Variants in CLDND1 observed in about 807,000 individuals in gnomAD.
The protein encoded by CLDND1 is claudin domain-containing protein 1.
Under a neutral mutation model 26.3 loss-of-function variants are expected in CLDND1, and 13 were observed. That is an observed-to-expected ratio of 0.49 (90% CI 0.32 to 0.78). The LOEUF is 0.78. Among genes scored for constraint, CLDND1 ranks in the 30% least tolerant of loss-of-function variants. The pLI is 0.03. For missense variants in CLDND1, 289 were observed against 312.8 expected (o/e 0.92, Z 0.57); for synonymous variants, 107 against 107.0 (o/e 1.00, Z 0.00).
chr3:98,516,812 C>T lies in CLDND1; in HGVS notation c.609G>A (p.Glu203=). Residue 203 remains glutamate, a synonymous_variant, in exon 5 of 5, where the codon GAG becomes GAA. Coordinates refer to ENST00000341181, the MANE Select transcript of CLDND1 (RefSeq NM_001040181.2). The part of the protein sequence containing the change: ...AGIELLHQKL[E]LPDNVSGEFG... ...ATTCACCGGATACATTGTCAGGGAG[C>T]TCTAGTTTCTGGTGGAGTAGTTCAA... is the stretch of plus-strand genomic sequence containing the variant. 1 of 1,614,118 alleles carries T rather than the reference C, an allele frequency of 6.2e-7. No individual in the cohort carries two copies. Among genetic ancestry groups the T allele is most frequent in the Non-Finnish European group, 8.5e-7 (1 of 1,180,002 alleles).
chr3:98,516,032 A>G lies in CLDND1; in HGVS notation c.*627T>C, dbSNP rs1395622695. The G allele has an allele frequency of 3.4e-6, 4 of 1,161,514 alleles. No homozygotes were observed. The highest frequency in any genetic ancestry group is 6.0e-5 in the East Asian group (1 of 16,758). The allele number at this position is 1,161,514 out of a possible 1,614,324, so 72.0% of individuals were successfully genotyped here. A position where few individuals can be genotyped will look rare whatever the true frequency, so the allele number is the denominator to read the frequency against. ...GCTGAACTGGAATTCTTGCAGTTAC[A>G]AAGTTAAAATTTCAAGTAAACACTG... is the stretch of plus-strand genomic sequence containing the variant. On this transcript the variant is annotated 3_prime_UTR_variant, in exon 5 of 5. Transcript: ENST00000341181.
chr3:98,516,799 C>T lies in CLDND1; in HGVS notation c.622G>A (p.Val208Ile), dbSNP rs767820286. The change falls in exon 5 of 5, where the codon GTA becomes ATA. Residue 208 changes from valine to isoleucine, a missense_variant. Physicochemically the swap from Val to Ile is conservative, Grantham distance 29. Coordinates refer to ENST00000341181, the MANE Select transcript of CLDND1 (RefSeq NM_001040181.2). ...LHQKLELPDN[V>I]SGEFGWSFCL... ...AAGGACCATCCAAATTCACCGGATA[C>T]ATTGTCAGGGAGCTCTAGTTTCTGG... The T allele has an allele frequency of 2.5e-6, 4 of 1,614,028 alleles. No homozygotes were observed. In the Admixed American group the frequency reaches 5.0e-5, roughly 20 times the overall value.
Position 98,521,163 on chromosome 3 carries a change from T to C in CLDND1, c.262A>G (p.Met88Val), listed in dbSNP as rs1706392488. The change falls in exon 2 of 5, where the codon ATG becomes GTG. Residue 88 changes from methionine (M) to valine (V), a missense_variant. Physicochemically the swap from Met to Val is conservative, Grantham distance 21. Transcript: ENST00000341181. ...WRRCITIPKN[M>V]HWYSPPERTE... is the part of the protein sequence containing the mutation. ...CTTTCTGGTGGGCTATACCAATGCATGTTTTTGGGTATGGTGATACACCGT... is the reference window on the plus strand; with the variant it reads ...CTTTCTGGTGGGCTATACCAATGCACGTTTTTGGGTATGGTGATACACCGT... 1 of 1,613,936 alleles carries C rather than the reference T, an allele frequency of 6.2e-7. No individual in the cohort carries two copies. Among genetic ancestry groups the C allele is most frequent in the South Asian group, 1.1e-5 (1 of 91,084 alleles).
intron 3 of CLDND1, 102 bp downstream of exon 3, chr3:98,518,783 C>G (rs1223126248): frequency 2.8e-6 from 2 of 706,934 alleles, no homozygotes; most frequent in African/African-American, 3.6e-5. Flanking sequence ...TTCACGTTGG[C>G]ACAATCTACT....
chr3:98,517,004 TAA>T, intron 4 of CLDND1, 46 bp downstream of exon 4: 1 of 1,611,714 alleles, frequency 6.2e-7, no homozygotes. Context: ...CTTTGGTCCC[TAA>T]AGAGACAGGA....
At chr3:98,522,432 TG>T in intron 1 of CLDND1, 1 of 666,336 alleles carries the variant, frequency 1.5e-6, no homozygotes, top group Non-Finnish European at 1.9e-6. Flanking sequence ...GTTTGGAAAA[TG>T]GGAAGTGACT....
rs1321755636 is a variant in CLDND1, at chr3:98,516,022, T to C, written c.*637A>G. The C allele has an allele frequency of 2.2e-5, 25 of 1,161,878 alleles. No homozygotes were observed. Among genetic ancestry groups the C allele is most frequent in the Non-Finnish European group, 2.6e-5 (24 of 928,866 alleles). 72.0% of individuals were successfully genotyped at this position (1,161,878 alleles called of 1,614,324 possible). A position where few individuals can be genotyped will look rare whatever the true frequency, so the allele number is the denominator to read the frequency against. On this transcript the variant is annotated 3_prime_UTR_variant, in exon 5 of 5. Coordinates refer to ENST00000341181, the MANE Select transcript of CLDND1 (RefSeq NM_001040181.2). ...TCCTCGCCCGGCTGAACTGGAATTC[T>C]TGCAGTTACAAAGTTAAAATTTCAA...
chr3:98,516,115 C>T lies in CLDND1; in HGVS notation c.*544G>A. ...AGATACAAACAGCTGCCATATCTCA[C>T]CTCAGATGAAGCTATGTGTCAATGC... On this transcript the variant is annotated 3_prime_UTR_variant, in exon 5 of 5. Transcript: ENST00000341181. 1 of 1,073,470 alleles carries T rather than the reference C, an allele frequency of 9.3e-7. No homozygotes were observed. Among genetic ancestry groups the T allele is most frequent in the African/African-American group, 1.7e-5 (1 of 59,604 alleles). The allele number at this position is 1,073,470 out of a possible 1,614,324, so 66.5% of individuals were successfully genotyped here. A position where few individuals can be genotyped will look rare whatever the true frequency, so the allele number is the denominator to read the frequency against.
chr3:98,518,791 A>C (rs761778431), intron 3 of CLDND1, 94 bp downstream of exon 3: 5 of 745,542 alleles, frequency 6.7e-6, no homozygotes, highest in Non-Finnish European at 1.2e-5. Flanking sequence ...GGCACAATCT[A>C]CTAACTCATC....
chr3:98,521,008 A>C, intron 2 of CLDND1, 125 bp downstream of exon 2: 1 of 789,432 alleles, frequency 1.3e-6, no homozygotes, highest in Non-Finnish European at 2.1e-6. Context: ...GAGAAGATAC[A>C]CGATTTATTT....
At chr3:98,522,478 A>G in intron 1 of CLDND1, 7 of 1,111,640 alleles carry the variant, frequency 6.3e-6, no homozygotes, top group South Asian at 3.0e-5. Flanking sequence ...CGAAAACTCA[A>G]AAAGTTGGAT....
chr3:98,521,246 T>C lies in CLDND1; in HGVS notation c.179A>G (p.Asp60Gly), dbSNP rs11553646. ...AAGTGCATCATTATAAGTCTTTTCATCTGCCTCATCACTAATGAATTCATC... is the reference window on the plus strand; with the variant it reads ...AAGTGCATCATTATAAGTCTTTTCACCTGCCTCATCACTAATGAATTCATC... ...IWDEFISDEA[D>G]EKTYNDALFR... Residue 60 changes from aspartate to glycine, a missense_variant, in exon 2 of 5, where the codon GAT becomes GGT. Asp to Gly is a moderately conservative substitution (Grantham distance 94). Coordinates refer to ENST00000341181, the MANE Select transcript of CLDND1 (RefSeq NM_001040181.2). The C allele has an allele frequency of 6.2e-7, 1 of 1,614,248 alleles. No individual in the cohort carries two copies. Among genetic ancestry groups the C allele is most frequent in the Non-Finnish European group, 8.5e-7 (1 of 1,180,040 alleles).
chr3:98,516,565 CAAATAA>C lies in CLDND1; in HGVS notation c.*88_*93del. 1.4e-6 allele frequency: 2 copies of C among 1,453,854 alleles called. No homozygotes were observed. Among genetic ancestry groups the C allele is most frequent in the South Asian group, 2.9e-5 (2 of 68,184 alleles). The allele number at this position is 1,453,854 out of a possible 1,614,324, so 90.1% of individuals were successfully genotyped here. On this transcript the variant is annotated 3_prime_UTR_variant, in exon 5 of 5. Transcript: ENST00000341181. ...TTTTCATAATAAAATGGTATATCCA[CAAATAA>C]AAATTAAAAACAATTGAGAGGTGGG...
In CLDND1 at chr3:98,515,846, A is replaced by G. The variant is rs1218539133; in HGVS notation, c.*813T>C. ...TATAGTACTGGGCTGGAATAAATAA[A>G]TAGCAGTTGAGGAATTTTACCTTGT... On this transcript the variant is annotated 3_prime_UTR_variant, in exon 5 of 5. Transcript: ENST00000341181. The G allele has an allele frequency of 1.6e-6, 2 of 1,289,256 alleles. No homozygotes were observed. The highest frequency in any genetic ancestry group is 2.0e-6 in the Non-Finnish European group (2 of 988,466). 79.9% of individuals were successfully genotyped at this position (1,289,256 alleles called of 1,614,324 possible).
rs149645766 is a variant in CLDND1, at chr3:98,521,025, GGAGA to G, written c.292+104_292+107del. 1,012 of 906,574 alleles carry G rather than the reference GGAGA, an allele frequency of 1.1e-3. 4 individuals are homozygous for G. In the African/African-American group the frequency reaches 0.015, roughly 13 times the overall value. The allele number at this position is 906,574 out of a possible 1,614,324, so 56.2% of individuals were successfully genotyped here. ...GAAGATACACGATTTATTTCTTTAAGGAGAGAGAGAACCAACAAACCTGCTTACA... is the reference window on the plus strand; with the variant it reads ...GAAGATACACGATTTATTTCTTTAAGGAGAGAACCAACAAACCTGCTTACA... On this transcript the variant is annotated intron_variant, in intron 2 of 4. Coordinates refer to ENST00000341181, the MANE Select transcript of CLDND1 (RefSeq NM_001040181.2).
Position 98,521,225 on chromosome 3 carries a change from G to T in CLDND1, c.200C>A (p.Ala67Glu). The stretch of plus-strand genomic sequence containing the variant: ...CACTGTGCCATTGTATCGAAAAAGT[G>T]CATCATTATAAGTCTTTTCATCTGC... ...DEADEKTYND[A>E]LFRYNGTVGL... The change falls in exon 2 of 5, where the codon GCA becomes GAA. Residue 67 changes from alanine to glutamate, a missense_variant. By Grantham distance (107) the Ala-to-Glu change is moderately radical (BLOSUM62 -1). Transcript: ENST00000341181. 6.2e-7 allele frequency: 1 copy of T among 1,614,164 alleles called. No individual in the cohort carries two copies. Among genetic ancestry groups the T allele is most frequent in the Middle Eastern group, 1.6e-4 (1 of 6,062 alleles).
At chr3:98,519,193 A>C (rs1331031170) in intron 2 of CLDND1, among the ~76,000 whole-genome samples, 198 bp from the exon 3 acceptor site, 1 of 152,236 alleles carries the variant, frequency 6.6e-6, no homozygotes, top group Non-Finnish European at 1.5e-5. Context: ...AGACATAGGC[A>C]CAAGGAAGAA....
chr3:98,519,851 T>G (rs1057152622), intron 2 of CLDND1, among the ~76,000 whole-genome samples: 2 of 152,234 alleles, frequency 1.3e-5, no homozygotes, highest in Non-Finnish European at 2.9e-5. Context: ...TTTACCCATA[T>G]GGCCAACTCT....
chr3:98,521,691 T>A, intron 1 of CLDND1: 1 of 1,613,062 alleles, frequency 6.2e-7, no homozygotes, highest in Non-Finnish European at 8.5e-7. Context: ...TTCTCTAGTC[T>A]ATCACCTGCA....
Sources: allele counts gnomAD v4.1 joint callset (sites outside exome capture counted in the v4.1 genomes callset), GRCh38; gene constraint gnomAD v4.1.1; transcripts MANE v1.5; gene names NCBI Gene and HGNC (gene_info 2026-07-23, HGNC 2026-07-21).